MRTFB: variants seen among roughly 807,000 people sequenced by gnomAD.
MRTFB encodes the protein myocardin-related transcription factor B.
In MRTFB, 29 loss-of-function variants were observed where a neutral mutation model predicts 104.2. That is an observed-to-expected ratio of 0.28 (90% confidence interval 0.21 to 0.38). The LOEUF (loss-of-function observed/expected upper bound fraction) is 0.38. Ranked by LOEUF, MRTFB falls within the 10% of genes least tolerant of loss-of-function variation. The probability of loss-of-function intolerance (pLI) is 1.00; values close to 1 mark genes in which losing one functional copy is unlikely to be tolerated. For missense variants in MRTFB, 1,270 were observed against 1,341.6 expected (o/e 0.95, Z 0.83); for synonymous variants, 535 against 519.5 (o/e 1.03, Z -0.41).
At chr16:13,998,290 C>T in the MRTFB span, among the ~76,000 whole-genome samples, 1 of 152,132 alleles carries the variant, frequency 6.6e-6, no homozygotes, top group Non-Finnish European at 1.5e-5. Flanking sequence ...TCTGTGGCCT[C>T]AGTGAAATTT....
intron 9 of MRTFB, among the ~76,000 whole-genome samples, chr16:14,234,760 A>C (rs770158564): frequency 6.6e-5 from 10 of 152,012 alleles, no homozygotes; most frequent in Non-Finnish European, 1.5e-4. Context: ...ACACCATTGC[A>C]CTCTAGCTTG....
intron 3 of MRTFB, among the ~76,000 whole-genome samples, chr16:14,146,813 C>G (rs2038342472): frequency 6.6e-6 from 1 of 152,276 alleles, no homozygotes; most frequent in Middle Eastern, 3.4e-3. Context: ...TTGGGCAAAA[C>G]TGGGTTCTTG....
intron 2 of MRTFB, among the ~76,000 whole-genome samples, chr16:14,126,608 C>T (rs530472092): frequency 6.6e-6 from 1 of 152,268 alleles, no homozygotes; most frequent in Non-Finnish European, 1.5e-5. Flanking sequence ...TAATTGCTGA[C>T]ATTATTGACA....
the MRTFB span, among the ~76,000 whole-genome samples, chr16:14,001,255 G>A: frequency 6.6e-6 from 1 of 152,214 alleles, no homozygotes; most frequent in Admixed American, 6.5e-5. Flanking sequence ...GCCAAGGGTA[G>A]AGCCTAGCTT....
chr16:14,213,049 G>A (rs1446875365), intron 5 of MRTFB, among the ~76,000 whole-genome samples: 1 of 152,122 alleles, frequency 6.6e-6, no homozygotes. Context: ...ATGCAATAAT[G>A]ATTTCTTACA....
At chr16:14,024,162 C>G in the MRTFB span, among the ~76,000 whole-genome samples, 2 of 152,128 alleles carry the variant, frequency 1.3e-5, no homozygotes, top group African/African-American at 4.8e-5. Context: ...GTTCACAGCC[C>G]TTCTTACCAT....
At position 14,261,204 on chromosome 16, in the gene MRTFB, G is replaced by T. The variant is rs999873570; in HGVS notation, c.3060G>T (p.Leu1020=). Residue 1020 remains leucine, a synonymous_variant, in exon 17 of 17, where the codon CTG becomes CTT. Transcript: ENST00000571589. Reference sequence around the variant, plus strand: ...TCGAGGACCTCCAGAATGATCTGCTGAGTCACTCAGGTATGCTGGACCATT... The same window carrying T: ...TCGAGGACCTCCAGAATGATCTGCTTAGTCACTCAGGTATGCTGGACCATT... ...SLIEDLQNDL[L]SHSGMLDHSH... 1.9e-6 allele frequency: 3 copies of T among 1,614,078 alleles called. No homozygotes were observed. The African/African-American group carries it at 4.0e-5, about 22-fold the overall frequency.
chr16:14,195,683 G>C (rs976600556), intron 3 of MRTFB: 5 of 457,534 alleles, frequency 1.1e-5, no homozygotes, highest in African/African-American at 1.1e-4. Flanking sequence ...TAAGAAACAT[G>C]AGAACATTCT....
chr16:14,054,008 T>C, the MRTFB span, among the ~76,000 whole-genome samples: 3 of 152,178 alleles, frequency 2.0e-5, no homozygotes, highest in African/African-American at 2.4e-5. Context: ...TAGTTCGTTT[T>C]CAGTCATTTG....
chr16:14,103,609 G>A (rs2035813556), intron 2 of MRTFB, among the ~76,000 whole-genome samples: 1 of 152,172 alleles, frequency 6.6e-6, no homozygotes, highest in Non-Finnish European at 1.5e-5. Context: ...TCCTGCTGCA[G>A]TGTACTACAC....
chr16:14,185,907 C>T (rs2039935941), intron 3 of MRTFB, among the ~76,000 whole-genome samples: 1 of 152,196 alleles, frequency 6.6e-6, no homozygotes, highest in South Asian at 2.1e-4. Context: ...CCAGCAGTGT[C>T]CCTATATGCA....
chr16:14,025,736 A>G, the MRTFB span, among the ~76,000 whole-genome samples: 1 of 152,212 alleles, frequency 6.6e-6, no homozygotes, highest in Non-Finnish European at 1.5e-5. Flanking sequence ...ATCTAAAAAA[A>G]CAAAAACAAC....
the MRTFB span, chr16:14,018,976 TC>T: frequency 1.3e-5 from 2 of 152,166 alleles, no homozygotes; most frequent in Non-Finnish European, 2.9e-5. Flanking sequence ...ATTCCTTCCT[TC>T]TCTTCCTCTC....
intron 2 of MRTFB, among the ~76,000 whole-genome samples, chr16:14,094,923 T>C (rs1269525716): frequency 6.6e-6 from 1 of 152,224 alleles, no homozygotes; most frequent in Non-Finnish European, 1.5e-5. Flanking sequence ...TTTATGCTAA[T>C]TATTTGCTTG....
the MRTFB span, among the ~76,000 whole-genome samples, chr16:14,065,754 A>AT: frequency 6.6e-5 from 10 of 151,974 alleles, no homozygotes; most frequent in African/African-American, 1.9e-4. Context: ...CTAAAAAAAA[A>AT]TTTTTTTTAA....
chr16:14,006,564 C>G, the MRTFB span, among the ~76,000 whole-genome samples: 1 of 151,612 alleles, frequency 6.6e-6, no homozygotes, highest in African/African-American at 2.4e-5. Flanking sequence ...CTGTGTCTCT[C>G]TCATGCACTA....
chr16:14,102,180 T>C (rs2035740581), intron 2 of MRTFB, among the ~76,000 whole-genome samples: 1 of 150,374 alleles, frequency 6.7e-6, no homozygotes. Context: ...GAAATTGTGG[T>C]TGAAAGAGCA....
the MRTFB span, among the ~76,000 whole-genome samples, chr16:14,019,726 C>T: frequency 1.3e-5 from 2 of 152,138 alleles, no homozygotes; most frequent in African/African-American, 4.8e-5. Context: ...AGCCAGCTAG[C>T]AATTACTTAA....
At position 14,135,069 on chromosome 16, in the gene MRTFB, A is replaced by C. The variant is rs1158155573; in HGVS notation, c.-63-5475A>C. Among the ~76,000 whole-genome samples, 4 of 152,182 alleles carry C rather than the reference A, an allele frequency of 2.6e-5. No homozygotes were observed. The East Asian group carries it at 7.7e-4, about 29-fold the overall frequency. On this transcript the variant is annotated intron_variant, in intron 2 of 16. Transcript: ENST00000571589. ...GAGAGAAATGATTTGCCTGAAGTCAAACGGCTCTCTCTCCAGCCATACCCT... is the reference window on the plus strand; with the variant it reads ...GAGAGAAATGATTTGCCTGAAGTCACACGGCTCTCTCTCCAGCCATACCCT...
Sources: gnomAD v4.1 joint callset for allele counts (sites outside exome capture counted in the v4.1 genomes callset) on GRCh38, gnomAD v4.1.1 for gene constraint, MANE v1.5 for transcripts, NCBI Gene and HGNC (gene_info 2026-07-23, HGNC 2026-07-21) for gene names.